SNTG1: variants seen among roughly 807,000 people sequenced by gnomAD.
The protein encoded by SNTG1 is gamma-1-syntrophin.
Under a neutral mutation model 74.7 loss-of-function variants are expected in SNTG1, and 39 were observed. The observed-to-expected ratio is 0.52, with a 90% CI of 0.40 to 0.68. The LOEUF (loss-of-function observed/expected upper bound fraction) is 0.68. SNTG1 is among the 30% of genes least tolerant of loss of function. The pLI, the probability that SNTG1 is intolerant of heterozygous loss-of-function variation, is 0.00. For missense variants in SNTG1, 685 were observed against 609.5 expected (o/e 1.12, Z -1.30); for synonymous variants, 254 against 217.1 (o/e 1.17, Z -1.49).
intron 12 of SNTG1, among the ~76,000 whole-genome samples, chr8:50,585,083 C>A (rs1022006543): frequency 6.6e-6 from 1 of 152,138 alleles, no homozygotes; most frequent in Non-Finnish European, 1.5e-5. Flanking sequence ...GAAACAAGAA[C>A]ACAAGAAAAC....
At chr8:50,511,230 C>A (rs200491647) in intron 9 of SNTG1, among the ~76,000 whole-genome samples, 27 of 152,160 alleles carry the variant, frequency 1.8e-4, no homozygotes, top group Non-Finnish European at 3.8e-4. Flanking sequence ...GCGGTTTTGA[C>A]TGAGTTTCTT....
intron 2 of SNTG1, among the ~76,000 whole-genome samples, chr8:50,324,971 A>G (rs983789708): frequency 1.4e-5 from 2 of 140,446 alleles, no homozygotes; most frequent in African/African-American, 2.6e-5. Flanking sequence ...ATATATATAT[A>G]GACAGAGAGA....
intron 4 of SNTG1, among the ~76,000 whole-genome samples, chr8:50,427,937 A>G (rs964029739): frequency 3.3e-5 from 5 of 152,216 alleles, no homozygotes; most frequent in African/African-American, 1.2e-4. Flanking sequence ...GTTTTCAGTT[A>G]GAGAAACAGT....
intron 17 of SNTG1, among the ~76,000 whole-genome samples, chr8:50,718,830 T>C (rs2095480910): frequency 6.6e-6 from 1 of 152,238 alleles, no homozygotes; most frequent in Non-Finnish European, 1.5e-5. Context: ...TACAGATATT[T>C]ATTAATTTGT....
At chr8:50,287,171 A>T (rs998205428) in intron 2 of SNTG1, among the ~76,000 whole-genome samples, 2 of 152,016 alleles carry the variant, frequency 1.3e-5, no homozygotes, top group Non-Finnish European at 2.9e-5. Flanking sequence ...CTGAGCTATT[A>T]CGTCCATCTG....
chr8:50,620,148 G>C (rs1279518716), intron 13 of SNTG1, among the ~76,000 whole-genome samples: 3 of 152,092 alleles, frequency 2.0e-5, no homozygotes, highest in African/African-American at 7.2e-5. Context: ...TGTTCTTGTG[G>C]TTGACGATCT....
At chr8:50,556,138 C>T (rs1037921422) in intron 12 of SNTG1, among the ~76,000 whole-genome samples, 1 of 152,066 alleles carries the variant, frequency 6.6e-6, no homozygotes, top group African/African-American at 2.4e-5. Context: ...TGTATTTTAT[C>T]ATTATTCAGA....
At chr8:50,441,296 T>C (rs1467106492) in intron 5 of SNTG1, among the ~76,000 whole-genome samples, 4 of 152,182 alleles carry the variant, frequency 2.6e-5, no homozygotes, top group Admixed American at 6.5e-5. Flanking sequence ...CCTTGTAGGG[T>C]ACAAGTTGGT....
chr8:50,422,270 A>ATCTATCTAT (rs61696608), intron 4 of SNTG1, among the ~76,000 whole-genome samples: 4,664 of 151,650 alleles, frequency 0.031, 136 homozygotes, highest in African/African-American at 0.073. Flanking sequence ...CTATCTATCT[A>ATCTATCTAT]CTATCTATCT....
In SNTG1 at chr8:50,006,836, C is replaced by T. The variant is rs903370710; in HGVS notation, c.-103+94605C>T. Among the ~76,000 whole-genome samples the T allele has an allele frequency of 1.4e-4, 22 of 152,274 alleles. No homozygotes were observed. The South Asian group carries it at 1.4e-3, about 10-fold the overall frequency. On this transcript the variant is annotated intron_variant, in intron 1 of 18. Transcript: ENST00000642720. Reference sequence around the variant, plus strand: ...CAGCCTCGTGCTTGTCAAGCTACGTCTGCCAGTTGAAAAAGTGGAATGATG... The same window carrying T: ...CAGCCTCGTGCTTGTCAAGCTACGTTTGCCAGTTGAAAAAGTGGAATGATG...
chr8:50,611,784 T>C (rs2094851708), intron 13 of SNTG1, among the ~76,000 whole-genome samples: 1 of 152,104 alleles, frequency 6.6e-6, no homozygotes, highest in South Asian at 2.1e-4. Context: ...TAATTTTTTT[T>C]GAGTCAGGGT....
chr8:50,366,399 C>A (rs140151688), intron 2 of SNTG1, among the ~76,000 whole-genome samples: 2 of 152,098 alleles, frequency 1.3e-5, no homozygotes. Context: ...AAAGTGTAGT[C>A]CTTGACTATC....
chr8:50,758,403 G>T (rs2095587251), intron 18 of SNTG1, among the ~76,000 whole-genome samples: 2 of 151,886 alleles, frequency 1.3e-5, no homozygotes, highest in Non-Finnish European at 2.9e-5. Context: ...CACGTGCCAT[G>T]GTGGTTTGCT....
intron 1 of SNTG1, among the ~76,000 whole-genome samples, chr8:50,040,997 A>G (rs1185871146): frequency 1.3e-5 from 2 of 152,128 alleles, no homozygotes; most frequent in African/African-American, 4.8e-5. Flanking sequence ...CCCAGGTTCA[A>G]GTGATTCTCC....
chr8:50,751,305 C>A (rs1320811243), intron 17 of SNTG1, among the ~76,000 whole-genome samples: 1 of 151,980 alleles, frequency 6.6e-6, no homozygotes, highest in Non-Finnish European at 1.5e-5. Flanking sequence ...AAAGAGTGAA[C>A]TGCTGCACCT....
intron 1 of SNTG1, among the ~76,000 whole-genome samples, chr8:49,995,701 A>G (rs368921089): frequency 6.6e-6 from 1 of 152,222 alleles, no homozygotes; most frequent in East Asian, 1.9e-4. Context: ...TGCTCATTAG[A>G]GAGAGAATGA....
chr8:50,323,772 G>A (rs1011845954), intron 2 of SNTG1, among the ~76,000 whole-genome samples: 1 of 152,162 alleles, frequency 6.6e-6, no homozygotes, highest in Non-Finnish European at 1.5e-5. Flanking sequence ...CTTACCCAAA[G>A]CCCTTATCTT....
chr8:50,598,385 G>T (rs2094746618), intron 13 of SNTG1, among the ~76,000 whole-genome samples: 1 of 151,684 alleles, frequency 6.6e-6, no homozygotes, highest in South Asian at 2.1e-4. Context: ...ACTTTTGTTG[G>T]CTATAAGTGT....
intron 18 of SNTG1, 78 bp from the exon 19 acceptor site, chr8:50,792,593 G>A (rs2095694198): frequency 2.2e-6 from 3 of 1,391,060 alleles, no homozygotes; most frequent in African/African-American, 1.5e-5. Flanking sequence ...TATTGAAATT[G>A]AAAAAAAATC....
Sources: gnomAD v4.1 joint callset for allele counts (sites outside exome capture counted in the v4.1 genomes callset) on GRCh38, gnomAD v4.1.1 for gene constraint, MANE v1.5 for transcripts, NCBI Gene and HGNC (gene_info 2026-07-23, HGNC 2026-07-21) for gene names.